Variants in DAPK1 observed in about 807,000 individuals in gnomAD.
DAPK1 encodes the protein death associated protein kinase 1.
In DAPK1, 56 loss-of-function variants were observed where a neutral mutation model predicts 144.9. That is an observed-to-expected ratio of 0.39 (90% CI 0.31 to 0.48). The LOEUF (loss-of-function observed/expected upper bound fraction) is 0.48, where lower values mean the gene tolerates loss of function less well. Ranked by LOEUF, DAPK1 falls within the 20% of genes least tolerant of loss-of-function variation. The probability of loss-of-function intolerance (pLI) is 0.95; values close to 1 mark genes in which losing one functional copy is unlikely to be tolerated. For synonymous variants in DAPK1, 690 were observed against 749.0 expected (o/e 0.92, Z 1.29); for missense variants, 1,454 against 1,875.4 (o/e 0.78, Z 4.15).
intron 3 of DAPK1, among the ~76,000 whole-genome samples, chr9:87,610,778 T>A (rs35737875): frequency 0.29 from 44,441 of 152,158 alleles, 7,954 homozygotes; most frequent in African/African-American, 0.5. Flanking sequence ...AGTTGATTGT[T>A]CCTGTGTGTA....
intron 18 of DAPK1, among the ~76,000 whole-genome samples, chr9:87,659,154 T>C (rs1830738275): frequency 6.6e-6 from 1 of 152,208 alleles, no homozygotes; most frequent in Non-Finnish European, 1.5e-5. Context: ...GGCTAGGATG[T>C]CGCCTCCCCG....
chr9:87,638,089 T>C lies in DAPK1; in HGVS notation c.423+8T>C. ...GCCCACTTTGATCTTAAGGTACGTT[T>C]CAAAGTGTAAGCCAGATAGAAGCTT... is the stretch of plus-strand genomic sequence containing the variant. On this transcript the variant is annotated splice_region_variant and intron_variant, in intron 4 of 25. Transcript: ENST00000408954. The C allele has an allele frequency of 6.2e-7, 1 of 1,610,262 alleles. No homozygotes were observed. Among genetic ancestry groups the C allele is most frequent in the Non-Finnish European group, 8.5e-7 (1 of 1,176,998 alleles).
chr9:87,671,957 G>A (rs1824178744), intron 19 of DAPK1, among the ~76,000 whole-genome samples: 2 of 152,196 alleles, frequency 1.3e-5, no homozygotes, highest in Admixed American at 1.3e-4. Context: ...GATGGCCTGG[G>A]ATCCAACTCC....
At chr9:87,518,278 ATTTTTT>A (rs1188386875) in intron 2 of DAPK1, among the ~76,000 whole-genome samples, 5 of 124,590 alleles carry the variant, frequency 4.0e-5, no homozygotes, top group African/African-American at 1.6e-4. Flanking sequence ...CACCCAGCTA[ATTTTTT>A]TTTTTTTTTT....
intron 2 of DAPK1, among the ~76,000 whole-genome samples, chr9:87,545,397 G>A (rs563975787): frequency 6.6e-6 from 1 of 152,258 alleles, no homozygotes; most frequent in Admixed American, 6.5e-5. Context: ...AGGATCAGTA[G>A]ACCACAAGCA....
Position 87,626,432 on chromosome 9 carries a change from A to G in DAPK1, c.285-11511A>G, listed in dbSNP as rs1829494890. On this transcript the variant is annotated intron_variant, in intron 3 of 25. Coordinates refer to ENST00000408954, the MANE Select transcript of DAPK1 (RefSeq NM_004938.4). ...CTCTGTCTCTTTAAAAAACAAACAA[A>G]CAAACAAAAAACAACAACAACAACA... 3.2e-5 allele frequency among the ~76,000 whole-genome samples: 4 copies of G among 123,302 alleles called. No individual in the cohort carries two copies. In the South Asian group the frequency reaches 1.1e-3, roughly 35 times the overall value. 80.9% of individuals were successfully genotyped at this position (123,302 alleles called of 152,430 possible). A position where few individuals can be genotyped will look rare whatever the true frequency, so the allele number is the denominator to read the frequency against.
At chr9:87,501,042 A>G (rs1390046026) in intron 2 of DAPK1, among the ~76,000 whole-genome samples, 2 of 152,200 alleles carry the variant, frequency 1.3e-5, no homozygotes, top group Non-Finnish European at 2.9e-5. Flanking sequence ...CTTCCTGAAA[A>G]CAAGTCCTAA....
intron 18 of DAPK1, among the ~76,000 whole-genome samples, chr9:87,664,568 T>C (rs944716198): frequency 1.4e-5 from 2 of 140,872 alleles, no homozygotes; most frequent in East Asian, 1.9e-4. Context: ...GATTTGCCCC[T>C]GTGGGCTGGT....
At chr9:87,641,159 A>C (rs36211679) in intron 9 of DAPK1, among the ~76,000 whole-genome samples, 84 of 152,356 alleles carry the variant, frequency 5.5e-4, no homozygotes, top group African/African-American at 1.9e-3. Flanking sequence ...TGATTCCAGC[A>C]TGTAAATATC....
chr9:87,550,866 C>T (rs1396655223), intron 2 of DAPK1, among the ~76,000 whole-genome samples: 7 of 152,192 alleles, frequency 4.6e-5, no homozygotes, highest in Non-Finnish European at 7.3e-5. Context: ...TTTTGGCTGT[C>T]GTGAATAAAG....
At chr9:87,605,901 G>C (rs1828698465) in intron 3 of DAPK1, among the ~76,000 whole-genome samples, 1 of 152,184 alleles carries the variant, frequency 6.6e-6, no homozygotes, top group African/African-American at 2.4e-5. Context: ...AGAGAGGACA[G>C]GAAGCCAGCT....
At chr9:87,552,150 T>G (rs1464298682) in intron 2 of DAPK1, among the ~76,000 whole-genome samples, 1 of 151,936 alleles carries the variant, frequency 6.6e-6, no homozygotes, top group East Asian at 1.9e-4. Context: ...TCCCACAGCT[T>G]CCAGGAGCCA....
At chr9:87,676,005 C>T (rs1364101709) in intron 19 of DAPK1, among the ~76,000 whole-genome samples, 2 of 152,072 alleles carry the variant, frequency 1.3e-5, no homozygotes, top group Non-Finnish European at 2.9e-5. Flanking sequence ...GGAGGTCTTG[C>T]CCACACCCTG....
intron 24 of DAPK1, among the ~76,000 whole-genome samples, chr9:87,700,843 G>C (rs1031010609): frequency 6.6e-6 from 1 of 152,008 alleles, no homozygotes; most frequent in Non-Finnish European, 1.5e-5. Context: ...GACTTATTGT[G>C]GAATATTTAG....
At chr9:87,638,132 GGTT>G in intron 4 of DAPK1, 51 bp downstream of exon 4, 1 of 1,526,604 alleles carries the variant, frequency 6.6e-7, no homozygotes. Flanking sequence ...TCACAGCCTT[GGTT>G]GTTTCTCTGC....
At chr9:87,553,063 C>T (rs781292725) in intron 2 of DAPK1, among the ~76,000 whole-genome samples, 1 of 152,204 alleles carries the variant, frequency 6.6e-6, no homozygotes, top group Non-Finnish European at 1.5e-5. Context: ...CTCCTCCTAG[C>T]CCCTGGCAAT....
intron 2 of DAPK1, among the ~76,000 whole-genome samples, chr9:87,501,972 A>T (rs1428855740): frequency 6.6e-6 from 1 of 152,162 alleles, no homozygotes; most frequent in Admixed American, 6.5e-5. Context: ...TGCTTTTTTC[A>T]TTGCTGTTGT....
At chr9:87,518,823 G>C (rs1825183162) in intron 2 of DAPK1, among the ~76,000 whole-genome samples, 1 of 151,890 alleles carries the variant, frequency 6.6e-6, no homozygotes, top group South Asian at 2.1e-4. Context: ...CCCAGTATTT[G>C]GCAGCTGTAA....
intron 2 of DAPK1, among the ~76,000 whole-genome samples, chr9:87,589,123 A>G (rs1828040934): frequency 7.5e-6 from 1 of 134,032 alleles, no homozygotes; most frequent in Non-Finnish European, 1.5e-5. Context: ...TGGTCAGGCT[A>G]GTCTCGAACT....
Sources: gnomAD v4.1 joint callset for allele counts (sites outside exome capture counted in the v4.1 genomes callset) on GRCh38, gnomAD v4.1.1 for gene constraint, MANE v1.5 for transcripts, NCBI Gene and HGNC (gene_info 2026-07-23, HGNC 2026-07-21) for gene names.